The following EDNRB variants were observed in gnomAD, a reference collection of about 807,000 sequenced individuals.
The protein encoded by EDNRB is endothelin receptor type B, also known as Hirschsprung disease 2.
In EDNRB, 18 loss-of-function variants were observed where a neutral mutation model predicts 46.4. The observed-to-expected ratio is 0.39, with a 90% CI of 0.27 to 0.57. The LOEUF (loss-of-function observed/expected upper bound fraction) is 0.57, where lower values mean the gene tolerates loss of function less well. Among genes scored for constraint, EDNRB ranks in the 20% least tolerant of loss-of-function variants. The pLI, the probability that EDNRB is intolerant of heterozygous loss-of-function variation, is 0.61. For missense variants in EDNRB, 434 were observed against 537.5 expected, an observed-to-expected ratio of 0.81 and a Z score of 1.90; for synonymous variants, 213 against 204.9, an observed-to-expected ratio of 1.04 and a Z score of -0.34.
At chr13:77,913,021 G>T (rs1370479747) in intron 1 of EDNRB, among the ~76,000 whole-genome samples, 1 of 152,036 alleles carries the variant, frequency 6.6e-6, no homozygotes, top group Non-Finnish European at 1.5e-5. Context: ...TTCAAAAGTT[G>T]GTGGTGTTCC....
At position 77,896,539 on chromosome 13, in the gene EDNRB, T is replaced by C; in HGVS notation, c.*1661A>G. 6.4e-7 allele frequency: 1 copy of C among 1,567,130 alleles called. No homozygotes were observed. Among genetic ancestry groups the C allele is most frequent in the Non-Finnish European group, 8.7e-7 (1 of 1,154,060 alleles). On this transcript the variant is annotated 3_prime_UTR_variant, in exon 7 of 7. Coordinates refer to ENST00000646607, the MANE Select transcript of EDNRB (RefSeq NM_001122659.3). ...GACAGAAAACAACATTACTAGCTTA[T>C]TTCCAACATGTGGCCCAGCCTATTA...
chr13:77,903,665 G>A, intron 1 of EDNRB, 58 bp from the exon 2 acceptor site: 3 of 1,396,602 alleles, frequency 2.1e-6, no homozygotes, highest in Non-Finnish European at 3.0e-6. Context: ...CCTCTGAATT[G>A]TATCACTTAG....
At chr13:77,931,943 A>T (rs1880422366) in intron 1 of EDNRB, among the ~76,000 whole-genome samples, 1 of 152,066 alleles carries the variant, frequency 6.6e-6, no homozygotes, top group African/African-American at 2.4e-5. Flanking sequence ...TTTTTATACA[A>T]CTGTTTCTGT....
At chr13:77,927,497 A>G (rs1014952668) in intron 1 of EDNRB, among the ~76,000 whole-genome samples, 8 of 152,238 alleles carry the variant, frequency 5.3e-5, no homozygotes, top group Non-Finnish European at 1.2e-4. Context: ...CAATTTGGCA[A>G]GAAAGTAGAC....
At chr13:77,936,828 C>A (rs550330301) in intron 1 of EDNRB, among the ~76,000 whole-genome samples, 3 of 152,230 alleles carry the variant, frequency 2.0e-5, no homozygotes, top group Admixed American at 2.0e-4. Context: ...TTGACTGCTG[C>A]GGCTTAGGCG....
At chr13:77,954,103 G>A (rs1046053052) in intron 1 of EDNRB, among the ~76,000 whole-genome samples, 26 of 151,886 alleles carry the variant, frequency 1.7e-4, no homozygotes, top group Non-Finnish European at 3.4e-4. Context: ...TTCCAACATT[G>A]CATCCCTTTT....
At chr13:77,946,123 C>T (rs185922802) in intron 1 of EDNRB, among the ~76,000 whole-genome samples, 9 of 152,214 alleles carry the variant, frequency 5.9e-5, no homozygotes, top group South Asian at 2.1e-4. Context: ...CTGTGATATA[C>T]GTGTAGAAAA....
intron 1 of EDNRB, among the ~76,000 whole-genome samples, chr13:77,950,854 A>G (rs1034312106): frequency 3.3e-5 from 5 of 152,200 alleles, no homozygotes; most frequent in Non-Finnish European, 5.9e-5. Flanking sequence ...GTTCAAGAAT[A>G]CATCCTACTG....
At chr13:77,965,216 ACTT>A (rs1301189416) in intron 1 of EDNRB, among the ~76,000 whole-genome samples, 15 of 152,196 alleles carry the variant, frequency 9.9e-5, no homozygotes, top group Admixed American at 9.8e-4. Context: ...ATCATTGCCT[ACTT>A]CTCATTCTTA....
At chr13:77,923,620 C>G (rs1338398591), upstream of EDNRB, among the ~76,000 whole-genome samples, 1 of 152,122 alleles carries the variant, frequency 6.6e-6, no homozygotes, top group Non-Finnish European at 1.5e-5. Context: ...TTCTGTGACT[C>G]TAATTGTTTT....
chr13:77,903,524 C>T lies in EDNRB; in HGVS notation c.567G>A (p.Val189=). Residue 189 remains valine (V), a synonymous_variant, in exon 2 of 7, where the codon GTG becomes GTA. Transcript: ENST00000646607. ...FIQKASVGIT[V]LSLCALSIDR... Reference sequence around the variant, plus strand: ...CAATACTCAGAGCACATAGACTCAGCACAGTGATTCCCACAGAGGCTTTCT... The same window carrying T: ...CAATACTCAGAGCACATAGACTCAGTACAGTGATTCCCACAGAGGCTTTCT... 1 of 1,612,890 alleles carries T rather than the reference C, an allele frequency of 6.2e-7. No individual in the cohort carries two copies. The highest frequency in any genetic ancestry group is 8.5e-7 in the Non-Finnish European group (1 of 1,179,276).
chr13:77,923,619 T>C (rs1374126416), upstream of EDNRB, among the ~76,000 whole-genome samples: 1 of 152,206 alleles, frequency 6.6e-6, no homozygotes, highest in African/African-American at 2.4e-5. Flanking sequence ...TTTCTGTGAC[T>C]CTAATTGTTT....
intron 1 of EDNRB, among the ~76,000 whole-genome samples, chr13:77,963,575 AGCT>A (rs1405777174): frequency 6.6e-6 from 1 of 152,184 alleles, no homozygotes; most frequent in Non-Finnish European, 1.5e-5. Flanking sequence ...ATATGTAGAA[AGCT>A]GAAACTGGAT....
chr13:77,913,441 A>G (rs1264286039), intron 1 of EDNRB, among the ~76,000 whole-genome samples: 1 of 152,096 alleles, frequency 6.6e-6, no homozygotes, highest in Non-Finnish European at 1.5e-5. Flanking sequence ...ACACCTGATT[A>G]CCTTTGGATC....
intron 1 of EDNRB, among the ~76,000 whole-genome samples, chr13:77,908,327 T>A (rs1338536172): frequency 6.6e-6 from 1 of 151,836 alleles, no homozygotes; most frequent in Non-Finnish European, 1.5e-5. Context: ...CTCTGTCATC[T>A]TAATGGCCTC....
At chr13:77,919,048 G>T (rs1021773614), upstream of EDNRB, 36 of 543,178 alleles carry the variant, frequency 6.6e-5, no homozygotes, top group African/African-American at 3.5e-4. Context: ...ATTTTGCCCC[G>T]CAGGGGAACC....
chr13:77,942,221 T>G (rs1880770991), intron 1 of EDNRB, among the ~76,000 whole-genome samples: 2 of 152,180 alleles, frequency 1.3e-5, no homozygotes, highest in Admixed American at 1.3e-4. Flanking sequence ...AGTGCTTCCT[T>G]ACTGTTTGGT....
At chr13:77,947,651 A>G (rs545528088) in intron 1 of EDNRB, 2 of 152,220 alleles carry the variant, frequency 1.3e-5, no homozygotes, top group African/African-American at 2.4e-5. Context: ...ATTGATGCCA[A>G]ACTTAGTGTA....
intron 1 of EDNRB, among the ~76,000 whole-genome samples, chr13:77,916,150 G>A (rs562678629): frequency 9.9e-5 from 15 of 152,272 alleles, no homozygotes; most frequent in Admixed American, 9.8e-4. Flanking sequence ...TGGACATGTG[G>A]GGTTTCCTGA....
Sources: gnomAD v4.1 joint callset for allele counts (sites outside exome capture counted in the v4.1 genomes callset) on GRCh38, gnomAD v4.1.1 for gene constraint, MANE v1.5 for transcripts, NCBI Gene and HGNC (gene_info 2026-07-23, HGNC 2026-07-21) for gene names.